S100Z: variants seen among roughly 807,000 people sequenced by gnomAD.
S100Z encodes S100 calcium binding protein Z.
In S100Z, 11 loss-of-function variants were observed where a neutral mutation model predicts 8.5. The observed-to-expected ratio is 1.30, with a 90% CI of 0.82 to 2.15. S100Z has a LOEUF of 2.15. Ranked by LOEUF, S100Z falls within the 30% of genes most tolerant of loss-of-function variation. The pLI is 0.00. For synonymous variants in S100Z, 34 were observed against 43.8 expected (o/e 0.78, Z 0.89); for missense variants, 126 against 117.9 (o/e 1.07, Z -0.32).
chr5:76,874,980 G>T (rs1428746930), intron 2 of S100Z, among the ~76,000 whole-genome samples: 3 of 152,120 alleles, frequency 2.0e-5, no homozygotes, highest in Non-Finnish European at 4.4e-5. Flanking sequence ...CGCCTCCCGG[G>T]TTCACGCCGT....
At chr5:76,952,127 A>G in the S100Z span, among the ~76,000 whole-genome samples, 1 of 152,210 alleles carries the variant, frequency 6.6e-6, no homozygotes. Flanking sequence ...ATAAGCAGAG[A>G]TAAGCTTATA....
chr5:76,912,427 G>A (rs1744699245), intron 4 of S100Z, among the ~76,000 whole-genome samples: 1 of 152,182 alleles, frequency 6.6e-6, no homozygotes, highest in African/African-American at 2.4e-5. Flanking sequence ...CATTTGTGGA[G>A]AGTGGGATAT....
At chr5:76,908,787 T>C (rs1169966493) in intron 4 of S100Z, among the ~76,000 whole-genome samples, 2 of 152,192 alleles carry the variant, frequency 1.3e-5, no homozygotes, top group Non-Finnish European at 2.9e-5. Flanking sequence ...CTTCACTTCA[T>C]TTTGGAGGCA....
intron 4 of S100Z, among the ~76,000 whole-genome samples, chr5:76,915,304 C>CAA (rs60682268): frequency 0.021 from 2,146 of 103,478 alleles, 78 homozygotes; most frequent in East Asian, 0.1. Flanking sequence ...GACTCCATCT[C>CAA]AAAAAAAAAA....
downstream of S100Z, among the ~76,000 whole-genome samples, chr5:76,925,032 G>A (rs1038106978): frequency 4.6e-5 from 7 of 152,112 alleles, no homozygotes; most frequent in Non-Finnish European, 8.8e-5. Context: ...GGGTTGTCGA[G>A]CTATTGGCCA....
At chr5:76,856,503 C>T (rs1200675207) in intron 1 of S100Z, among the ~76,000 whole-genome samples, 1 of 152,188 alleles carries the variant, frequency 6.6e-6, no homozygotes, top group East Asian at 1.9e-4. Context: ...CCCGGCCTAA[C>T]CTTCTTTTCT....
the S100Z span, among the ~76,000 whole-genome samples, chr5:76,937,801 G>A: frequency 7.0e-6 from 1 of 143,860 alleles, no homozygotes; most frequent in East Asian, 2.1e-4. Context: ...TCCTTTCTGT[G>A]TGATTTTCTC....
At chr5:76,924,320 G>C (rs1249886921), downstream of S100Z, among the ~76,000 whole-genome samples, 5 of 152,106 alleles carry the variant, frequency 3.3e-5, no homozygotes, top group Non-Finnish European at 5.9e-5. Context: ...ATCCTCCTGG[G>C]ATTCCCTTGT....
At position 76,873,341 on chromosome 5, in the gene S100Z, A is replaced by AAT. The variant is rs1554036667; in HGVS notation, c.-56-1963_-56-1962insAT. On this transcript the variant is annotated intron_variant, in intron 2 of 4. Coordinates refer to ENST00000317593, the MANE Select transcript of S100Z (RefSeq NM_130772.4). ...TTTTTTTTTTTTGAGACGGAGTCTC[A>AAT]CTGTCACCCAGGATGGAGTGCAGGG... 1.3e-5 allele frequency among the ~76,000 whole-genome samples: 2 copies of AAT among 149,596 alleles called. 1 individual carries two copies.
the S100Z span, among the ~76,000 whole-genome samples, chr5:76,934,264 G>T: frequency 4.6e-5 from 7 of 152,284 alleles, no homozygotes; most frequent in East Asian, 1.4e-3. Flanking sequence ...ACCCTACTAA[G>T]ATAATCCTTC....
chr5:76,926,563 G>C (rs1264048683), downstream of S100Z, among the ~76,000 whole-genome samples: 1 of 152,152 alleles, frequency 6.6e-6, no homozygotes, highest in African/African-American at 2.4e-5. Flanking sequence ...AGCCTGGTTA[G>C]GAGCTGTGGA....
chr5:76,860,478 G>A (rs771927094), intron 1 of S100Z, among the ~76,000 whole-genome samples: 2 of 152,066 alleles, frequency 1.3e-5, no homozygotes, highest in Non-Finnish European at 2.9e-5. Flanking sequence ...TGCTCAAGAG[G>A]GGCTGATGGG....
At chr5:76,933,636 A>C in the S100Z span, among the ~76,000 whole-genome samples, 18 of 152,162 alleles carry the variant, frequency 1.2e-4, no homozygotes, top group Non-Finnish European at 2.5e-4. Context: ...TATTCACAAC[A>C]ACCTTAGGGT....
At chr5:76,931,815 T>G in the S100Z span, among the ~76,000 whole-genome samples, 2 of 152,134 alleles carry the variant, frequency 1.3e-5, no homozygotes, top group African/African-American at 4.8e-5. Context: ...TTCTTTTTTT[T>G]TGTGCACACA....
At chr5:76,897,250 A>C (rs1744067876) in intron 4 of S100Z, among the ~76,000 whole-genome samples, 1 of 151,648 alleles carries the variant, frequency 6.6e-6, no homozygotes, top group Non-Finnish European at 1.5e-5. Context: ...CAGGAGATCG[A>C]GACCATGGTG....
chr5:76,881,497 GAGT>G (rs1743400841), intron 4 of S100Z, among the ~76,000 whole-genome samples: 1 of 152,182 alleles, frequency 6.6e-6, no homozygotes, highest in African/African-American at 2.4e-5. Context: ...AATCCCTGAG[GAGT>G]AGTAGTAGAA....
chr5:76,900,305 C>A (rs1744186595), intron 4 of S100Z, among the ~76,000 whole-genome samples: 1 of 152,164 alleles, frequency 6.6e-6, no homozygotes, highest in Non-Finnish European at 1.5e-5. Context: ...CTGTTATTAT[C>A]CCTTTGAATA....
At chr5:76,894,881 G>A (rs894074202) in intron 4 of S100Z, among the ~76,000 whole-genome samples, 5 of 151,958 alleles carry the variant, frequency 3.3e-5, no homozygotes, top group Admixed American at 6.6e-5. Context: ...GAGCCACCGC[G>A]CCCACCCTAA....
At chr5:76,880,580 C>G (rs761341977) in intron 4 of S100Z, among the ~76,000 whole-genome samples, 17 of 152,004 alleles carry the variant, frequency 1.1e-4, no homozygotes, top group Non-Finnish European at 2.2e-4. Flanking sequence ...TTGGTGATGG[C>G]CTGGATGCGG....
Sources: allele counts gnomAD v4.1 joint callset (sites outside exome capture counted in the v4.1 genomes callset), GRCh38; gene constraint gnomAD v4.1.1; transcripts MANE v1.5; gene names NCBI Gene and HGNC (gene_info 2026-07-23, HGNC 2026-07-21).